The following SHISA9 variants were observed in gnomAD, a reference collection of about 807,000 sequenced individuals.
The protein encoded by SHISA9 is shisa family member 9.
In SHISA9, 13 loss-of-function variants were observed where a neutral mutation model predicts 38.0. The ratio of observed to expected loss-of-function variants is 0.34; its 90% CI spans 0.22 to 0.54. SHISA9 has a LOEUF of 0.54. SHISA9 is among the 20% of genes least tolerant of loss of function. The pLI is 0.91. For missense variants in SHISA9, 538 were observed against 575.8 expected (o/e 0.93, Z 0.67); for synonymous variants, 275 against 242.0 (o/e 1.14, Z -1.27).
At chr16:13,260,742 G>A in the SHISA9 span, among the ~76,000 whole-genome samples, 4 of 152,088 alleles carry the variant, frequency 2.6e-5, no homozygotes, top group Non-Finnish European at 5.9e-5. Context: ...CTGTTACTCC[G>A]TTCCAAAGTC....
At chr16:13,135,808 G>A (rs911121147) in intron 2 of SHISA9, among the ~76,000 whole-genome samples, 1 of 152,174 alleles carries the variant, frequency 6.6e-6, no homozygotes, top group Admixed American at 6.5e-5. Flanking sequence ...TGCAGAATTA[G>A]TAATTAAGGC....
At chr16:13,082,280 T>G (rs1251789629) in intron 2 of SHISA9, 1 of 152,210 alleles carries the variant, frequency 6.6e-6, no homozygotes, top group African/African-American at 2.4e-5. Flanking sequence ...TTATGCAACT[T>G]ATTGACTAAA....
At chr16:13,105,166 T>G (rs770168730) in intron 2 of SHISA9, among the ~76,000 whole-genome samples, 1 of 152,352 alleles carries the variant, frequency 6.6e-6, no homozygotes, top group Non-Finnish European at 1.5e-5. Flanking sequence ...ATGGTTGCCT[T>G]TCCTTGCTGT....
chr16:12,968,835 G>T (rs2072015688), intron 2 of SHISA9, among the ~76,000 whole-genome samples: 1 of 152,142 alleles, frequency 6.6e-6, no homozygotes, highest in African/African-American at 2.4e-5. Context: ...GTAAATGAGT[G>T]AGTGTGGCTG....
chr16:13,195,868 A>C (rs1477549121), intron 2 of SHISA9, among the ~76,000 whole-genome samples: 1 of 151,660 alleles, frequency 6.6e-6, no homozygotes, highest in Non-Finnish European at 1.5e-5. Flanking sequence ...CAGGCAGATC[A>C]CCTGAGGTCA....
chr16:12,925,565 G>T (rs2071383789), intron 2 of SHISA9, among the ~76,000 whole-genome samples: 1 of 152,012 alleles, frequency 6.6e-6, no homozygotes, highest in South Asian at 2.1e-4. Flanking sequence ...TACTAATGCT[G>T]GCCACATGGC....
At chr16:13,484,723 G>A in the SHISA9 span, among the ~76,000 whole-genome samples, 1 of 152,214 alleles carries the variant, frequency 6.6e-6, no homozygotes, top group Non-Finnish European at 1.5e-5. Flanking sequence ...AATCATGGTG[G>A]AAGGTGAAGA....
chr16:13,198,880 T>C, intron 2 of SHISA9, among the ~76,000 whole-genome samples: 1 of 152,238 alleles, frequency 6.6e-6, no homozygotes, highest in East Asian at 1.9e-4. Flanking sequence ...GTCACTTCTT[T>C]TGAGAGGGAT....
chr16:13,177,745 C>T (rs1193425854), intron 2 of SHISA9, among the ~76,000 whole-genome samples: 3 of 152,168 alleles, frequency 2.0e-5, no homozygotes, highest in East Asian at 1.9e-4. Context: ...TCTAGGCTCA[C>T]TGCAACCTCT....
At chr16:12,953,884 G>A (rs1011571105) in intron 2 of SHISA9, among the ~76,000 whole-genome samples, 1 of 152,154 alleles carries the variant, frequency 6.6e-6, no homozygotes, top group African/African-American at 2.4e-5. Flanking sequence ...GAGTGAGCTA[G>A]GAAGTGCCAC....
At chr16:13,036,438 G>A (rs779858134) in intron 2 of SHISA9, among the ~76,000 whole-genome samples, 10 of 152,194 alleles carry the variant, frequency 6.6e-5, no homozygotes, top group South Asian at 2.1e-4. Flanking sequence ...TCTAGTGTCC[G>A]AAGGCTAAAT....
Position 12,970,925 on chromosome 16 carries a change from C to G in SHISA9, c.691+54110C>G, listed in dbSNP as rs530313939. Among the ~76,000 whole-genome samples, 27 of 152,200 alleles carry G rather than the reference C, an allele frequency of 1.8e-4. 1 individual carries two copies. The highest frequency in any genetic ancestry group is 6.3e-4 in the African/African-American group (26 of 41,528). On this transcript the variant is annotated intron_variant, in intron 2 of 4. Coordinates refer to ENST00000558583, the MANE Select transcript of SHISA9 (RefSeq NM_001145204.3). ...CTGTATTTGTCTGCAGTGCCTCGAA[C>G]AGTGTCTGATACATGGGAGGCACTC... is the stretch of plus-strand genomic sequence containing the variant.
the SHISA9 span, among the ~76,000 whole-genome samples, chr16:13,535,514 C>T: frequency 2.0e-5 from 3 of 152,194 alleles, no homozygotes; most frequent in East Asian, 5.8e-4. Context: ...TCTTGGAAAA[C>T]AGTCACACTC....
chr16:13,251,001 A>G, the SHISA9 span, among the ~76,000 whole-genome samples: 5 of 152,156 alleles, frequency 3.3e-5, no homozygotes, highest in Admixed American at 6.5e-5. Context: ...GCTGCTACCA[A>G]TACTCTATGT....
intron 2 of SHISA9, among the ~76,000 whole-genome samples, chr16:13,096,142 G>A (rs1383868567): frequency 6.6e-6 from 1 of 152,170 alleles, no homozygotes; most frequent in East Asian, 1.9e-4. Flanking sequence ...TCTATGAAGC[G>A]CAGATAATCA....
chr16:13,203,527 G>A lies in SHISA9; in HGVS notation c.825G>A (p.Lys275=). The change falls in exon 3 of 5, where the codon AAG becomes AAA. Residue 275 remains lysine (K), a synonymous_variant. Coordinates refer to ENST00000558583, the MANE Select transcript of SHISA9 (RefSeq NM_001145204.3). ...EQQPPGKELN[K]YASLKAVGSS... ...AGCCACCAGGAAAAGAGCTCAACAAGTACGCCTCCTTAAAGGCAGTCGGTA... is the reference window on the plus strand; with the variant it reads ...AGCCACCAGGAAAAGAGCTCAACAAATACGCCTCCTTAAAGGCAGTCGGTA... 6.5e-7 allele frequency: 1 copy of A among 1,540,950 alleles called. No homozygotes were observed. Among genetic ancestry groups the A allele is most frequent in the African/African-American group, 1.4e-5 (1 of 72,748 alleles).
chr16:13,106,966 T>TTCTCTCTC (rs56109043), intron 2 of SHISA9, among the ~76,000 whole-genome samples: 110 of 145,316 alleles, frequency 7.6e-4, no homozygotes, highest in African/African-American at 2.5e-3. Context: ...CTTTCTCACG[T>TTCTCTCTC]TCTCTCTCTC....
intron 2 of SHISA9, among the ~76,000 whole-genome samples, chr16:12,927,213 A>G (rs1019883509): frequency 6.6e-6 from 1 of 152,372 alleles, no homozygotes; most frequent in Non-Finnish European, 1.5e-5. Context: ...AGCATTCTCA[A>G]TAAAGTTAAT....
At chr16:13,354,388 T>A in the SHISA9 span, among the ~76,000 whole-genome samples, 26 of 145,242 alleles carry the variant, frequency 1.8e-4, no homozygotes, top group East Asian at 4.9e-3. Flanking sequence ...ATGGGGTGAA[T>A]GTCAGGTGGA....
Sources: allele counts gnomAD v4.1 joint callset (sites outside exome capture counted in the v4.1 genomes callset), GRCh38; gene constraint gnomAD v4.1.1; transcripts MANE v1.5; gene names NCBI Gene and HGNC (gene_info 2026-07-23, HGNC 2026-07-21).